Variants in IL31RA observed in about 807,000 individuals in gnomAD.
IL31RA encodes interleukin-31 receptor subunit alpha.
Under a neutral mutation model 83.7 loss-of-function variants are expected in IL31RA, and 66 were observed. The ratio of observed to expected loss-of-function variants is 0.79; its 90% CI spans 0.65 to 0.97. The LOEUF (loss-of-function observed/expected upper bound fraction) is 0.97. IL31RA is among the 50% of genes least tolerant of loss of function. The pLI, the probability that IL31RA is intolerant of heterozygous loss-of-function variation, is 0.00. For missense variants in IL31RA, 798 were observed against 919.4 expected, an observed-to-expected ratio of 0.87 and a Z score of 1.71; for synonymous variants, 325 against 329.0, an observed-to-expected ratio of 0.99 and a Z score of 0.13.
At position 55,916,627 on chromosome 5, in the gene IL31RA, C is replaced by G. The variant is rs1224726258; in HGVS notation, c.1819-17C>G. ...ACTCCTAAATGACCACTTGGGATGT[C>G]CCTTTTTCTTTTCCAGGATAAGCTA... On this transcript the variant is annotated splice_polypyrimidine_tract_variant and intron_variant, in intron 14 of 14. Transcript: ENST00000652347. 3.1e-6 allele frequency: 5 copies of G among 1,608,782 alleles called. No homozygotes were observed. The highest frequency in any genetic ancestry group is 1.6e-4 in the Middle Eastern group (1 of 6,080).
chr5:55,851,390 A>G lies in IL31RA; in HGVS notation c.-181A>G. On this transcript the variant is annotated 5_prime_UTR_variant, in exon 1 of 15. Transcript: ENST00000652347. Reference sequence around the variant, plus strand: ...CTTCTGCTTAGGAACACCAGACAGCACTCCAGCACTCTGCTTGGGGGGCAT... The same window carrying G: ...CTTCTGCTTAGGAACACCAGACAGCGCTCCAGCACTCTGCTTGGGGGGCAT... 3 of 991,800 alleles carry G rather than the reference A, an allele frequency of 3.0e-6. No individual in the cohort carries two copies. 61.4% of individuals were successfully genotyped at this position (991,800 alleles called of 1,614,324 possible). A position where few individuals can be genotyped will look rare whatever the true frequency, so the allele number is the denominator to read the frequency against.
chr5:55,843,222 G>C, the IL31RA span, among the ~76,000 whole-genome samples: 35 of 152,292 alleles, frequency 2.3e-4, no homozygotes, highest in South Asian at 7.1e-3. Context: ...TCTTGTCACA[G>C]TGTTTCCTGT....
At chr5:55,859,008 A>G (rs1404675603) in intron 1 of IL31RA, among the ~76,000 whole-genome samples, 2 of 152,210 alleles carry the variant, frequency 1.3e-5, no homozygotes, top group African/African-American at 4.8e-5. Context: ...TCCATGCGGG[A>G]ATTCAGAGAG....
rs1749134408 is a variant in IL31RA at position 55,906,124 on chromosome 5, T to G, written c.1088T>G (p.Val363Gly). The G allele has an allele frequency of 6.2e-7, 1 of 1,613,384 alleles. No homozygotes were observed. The highest frequency in any genetic ancestry group is 8.5e-7 in the Non-Finnish European group (1 of 1,179,964). Residue 363 changes from valine to glycine, a missense_variant, in exon 9 of 15, where the codon GTC becomes GGC. Physicochemically the swap from Val to Gly is moderately radical, Grantham distance 109. Coordinates refer to ENST00000652347, the MANE Select transcript of IL31RA (RefSeq NM_139017.7). ...CTTTCAGCATTTCAGTGCATTGAGG[T>G]CATGCAGGCCTGCGTTGCTGAGGAC... ...IQEKSFQCIEVMQACVAEDQL... is the reference protein window; with the variant it reads ...IQEKSFQCIEGMQACVAEDQL...
chr5:55,897,622 G>A (rs191301114), intron 7 of IL31RA, among the ~76,000 whole-genome samples: 116 of 152,210 alleles, frequency 7.6e-4, no homozygotes, highest in Non-Finnish European at 1.4e-3. Context: ...TTCCTAGGGC[G>A]GAGGCCTGGG....
At position 55,913,252 on chromosome 5, in the gene IL31RA, G is replaced by A. The variant is rs147894596; in HGVS notation, c.1643-225G>A. ...ATTATAGGTGCACACTATCACACCC[G>A]GCTAATTTTTTGTATCTTTAGTAGA... On this transcript the variant is annotated intron_variant, in intron 12 of 14. Transcript: ENST00000652347. 4.7e-3 allele frequency among the ~76,000 whole-genome samples: 719 copies of A among 152,030 alleles called. 3 individuals carry two copies. The highest frequency in any genetic ancestry group is 0.017 in the African/African-American group (688 of 41,510).
Position 55,890,141 on chromosome 5 carries a change from C to T in IL31RA, c.772+6C>T. 6.2e-7 allele frequency: 1 copy of T among 1,613,416 alleles called. No homozygotes were observed. Among genetic ancestry groups the T allele is most frequent in the African/African-American group, 1.3e-5 (1 of 75,028 alleles). ...GGGAATGACTGAGGAAGAAGGCAAG[C>T]TACTCCCTGCGATTCCCGTCCTGTC... On this transcript the variant is annotated splice_donor_region_variant and intron_variant, in intron 6 of 14. Coordinates refer to ENST00000652347, the MANE Select transcript of IL31RA (RefSeq NM_139017.7).
intron 2 of IL31RA, 149 bp downstream of exon 2, chr5:55,859,748 G>C: frequency 1.4e-6 from 1 of 713,704 alleles, no homozygotes; most frequent in Admixed American, 2.0e-5. Context: ...GTGTGTGTCT[G>C]TGTGTGCACA....
At chr5:55,892,048 T>C (rs1748041207) in intron 6 of IL31RA, among the ~76,000 whole-genome samples, 1 of 152,114 alleles carries the variant, frequency 6.6e-6, no homozygotes, top group Non-Finnish European at 1.5e-5. Flanking sequence ...GTGCTGGGAT[T>C]ACAGGCATGA....
At chr5:55,864,536 TCA>T (rs889236536) in intron 2 of IL31RA, among the ~76,000 whole-genome samples, 1 of 135,584 alleles carries the variant, frequency 7.4e-6, no homozygotes, top group Non-Finnish European at 1.6e-5. Context: ...TATAAACACA[TCA>T]CACACACTAC....
chr5:55,893,846 C>G (rs1748167796), intron 6 of IL31RA, among the ~76,000 whole-genome samples: 1 of 140,360 alleles, frequency 7.1e-6, no homozygotes, highest in South Asian at 2.2e-4. Flanking sequence ...GGGTCTCACT[C>G]TGTCACCCAG....
chr5:55,862,476 T>A (rs1745747414), intron 2 of IL31RA, among the ~76,000 whole-genome samples: 1 of 152,208 alleles, frequency 6.6e-6, no homozygotes, highest in African/African-American at 2.4e-5. Flanking sequence ...TGGTGCAATC[T>A]CAGCTCACTG....
At chr5:55,896,320 G>C (rs776481840) in intron 6 of IL31RA, 30 bp from the exon 7 acceptor site, 1 of 1,496,448 alleles carries the variant, frequency 6.7e-7, no homozygotes, top group South Asian at 1.1e-5. Flanking sequence ...CTTATCTCTG[G>C]GTTGAGTACC....
the IL31RA span, among the ~76,000 whole-genome samples, chr5:55,843,118 T>G: frequency 1.3e-5 from 2 of 152,208 alleles, no homozygotes. Context: ...CATGTTTATC[T>G]TAGCCATGGT....
At position 55,851,539 on chromosome 5, in the gene IL31RA, C is replaced by T; in HGVS notation, c.-32C>T. 6.2e-7 allele frequency: 1 copy of T among 1,613,974 alleles called. No homozygotes were observed. The highest frequency in any genetic ancestry group is 1.1e-5 in the South Asian group (1 of 91,082). Reference sequence around the variant, plus strand: ...CAGTATGAAAATTGAGACAGGAAGGCAGAGTGTCAGCTTGTTCCACCTCAG... The same window carrying T: ...CAGTATGAAAATTGAGACAGGAAGGTAGAGTGTCAGCTTGTTCCACCTCAG... On this transcript the variant is annotated 5_prime_UTR_variant, in exon 1 of 15. The change creates a premature stop within an existing upstream ORF in the 5' untranslated region. Coordinates refer to ENST00000652347, the MANE Select transcript of IL31RA (RefSeq NM_139017.7).
intron 8 of IL31RA, among the ~76,000 whole-genome samples, chr5:55,902,731 T>A (rs1208827925): frequency 6.6e-6 from 1 of 152,190 alleles, no homozygotes; most frequent in African/African-American, 2.4e-5. Flanking sequence ...AATAATAAGA[T>A]AATTTTTGTA....
At chr5:55,886,268 C>CTTTTTTTTTTTTTTTTT (rs35481013) in intron 5 of IL31RA, among the ~76,000 whole-genome samples, 3 of 71,502 alleles carry the variant, frequency 4.2e-5, no homozygotes, top group African/African-American at 1.5e-4. Context: ...TGCTTGCTTG[C>CTTTTTTTTTTTTTTTTT]TTTTTTTTTT....
Position 55,851,771 on chromosome 5 carries a change from A to G in IL31RA, c.63+138A>G, listed in dbSNP as rs535953710. 4 of 1,575,968 alleles carry G rather than the reference A, an allele frequency of 2.5e-6. No homozygotes were observed. The South Asian group carries it at 3.4e-5, about 13-fold the overall frequency. ...GAGCCGTATGAGATTCCGTGGCATA[A>G]TTATGTTTGCTTATTGTTGGCAACC... On this transcript the variant is annotated intron_variant, in intron 1 of 14. Transcript: ENST00000652347.
At chr5:55,869,023 G>A (rs764300034) in intron 3 of IL31RA, 115 bp downstream of exon 3, 1 of 764,800 alleles carries the variant, frequency 1.3e-6, no homozygotes, top group Non-Finnish European at 2.4e-6. Flanking sequence ...GACAGCTTCT[G>A]GGTGATTACT....
Sources: allele counts gnomAD v4.1 joint callset (sites outside exome capture counted in the v4.1 genomes callset), GRCh38; gene constraint gnomAD v4.1.1; transcripts MANE v1.5; gene names NCBI Gene and HGNC (gene_info 2026-07-23, HGNC 2026-07-21).